The following COL5A3 variants were observed in gnomAD, a reference collection of about 807,000 sequenced individuals.
COL5A3 encodes collagen alpha-3(V) chain.
A neutral mutation model predicts 250.0 loss-of-function variants in COL5A3; 172 were observed. That is an observed-to-expected ratio of 0.69 (90% CI 0.61 to 0.78). COL5A3 has a LOEUF of 0.78. COL5A3 is among the 30% of genes least tolerant of loss of function. The probability of loss-of-function intolerance (pLI) is 0.00; values close to 1 mark genes in which losing one functional copy is unlikely to be tolerated. For synonymous variants in COL5A3, 937 were observed against 900.4 expected (o/e 1.04, Z -0.73); for missense variants, 2,340 against 2,334.4 (o/e 1.00, Z -0.05).
chr19:9,986,448 T>C lies in COL5A3; in HGVS notation c.2245-26A>G, dbSNP rs184455561. On this transcript the variant is annotated intron_variant, in intron 29 of 66. Transcript: ENST00000264828. ...CTGGAAGAAAAAGGAGAGTATTTAA[T>C]ATCCATCTTTTGTCCTTCCTGCTCT... 3.2e-4 allele frequency: 511 copies of C among 1,611,178 alleles called. 3 individuals are homozygous for C. In the East Asian group the frequency reaches 0.011, roughly 34 times the overall value.
intron 20 of COL5A3, 61 bp from the exon 21 acceptor site, chr19:9,992,941 G>A: frequency 1.9e-6 from 3 of 1,606,872 alleles, no homozygotes; most frequent in Admixed American, 1.7e-5. Flanking sequence ...GAGCTCTAGG[G>A]GTCCTATGAG....
At chr19:9,999,216 A>C (rs2087318892) in intron 8 of COL5A3, among the ~76,000 whole-genome samples, 1 of 126,238 alleles carries the variant, frequency 7.9e-6, no homozygotes, top group East Asian at 2.2e-4. Flanking sequence ...TTTTTGACAC[A>C]GGGTCACTCT....
intron 8 of COL5A3, among the ~76,000 whole-genome samples, chr19:10,001,318 T>A (rs1168747623): frequency 6.6e-6 from 1 of 152,062 alleles, no homozygotes; most frequent in African/African-American, 2.4e-5. Flanking sequence ...GCTAATTTTT[T>A]GTATTTTTAG....
Position 9,989,315 on chromosome 19 carries a change from CACTCA to C in COL5A3, c.2091+2_2091+6del. The C allele has an allele frequency of 6.2e-7, 1 of 1,614,194 alleles. No homozygotes were observed. The highest frequency in any genetic ancestry group is 2.2e-5 in the East Asian group (1 of 44,886). ...CCCCAACCCAGCCTAACCTCCTGGT[CACTCA>C]CCTGAGCCCCTTTCTCTCCCGTGGG... On this transcript the variant is annotated splice_donor_variant and splice_donor_5th_base_variant and intron_variant, in intron 26 of 66. Transcript: ENST00000264828. LOFTEE classifies it high-confidence loss of function.
chr19:9,963,561 T>TG (rs1555733033), intron 64 of COL5A3, among the ~76,000 whole-genome samples: 3,667 of 39,986 alleles, frequency 0.092, 134 homozygotes, highest in African/African-American at 0.14. Flanking sequence ...CTGTTTTTTT[T>TG]GGGGGGGGGG....
At chr19:9,976,743 T>A (rs772219948) in intron 44 of COL5A3, 132 bp from the exon 45 acceptor site, 2 of 676,358 alleles carry the variant, frequency 3.0e-6, no homozygotes, top group Non-Finnish European at 2.5e-6. Context: ...AACAGCTACA[T>A]CCCCCCAAAT....
chr19:9,965,005 C>A (rs975055757), intron 64 of COL5A3, among the ~76,000 whole-genome samples: 3 of 151,218 alleles, frequency 2.0e-5, no homozygotes, highest in Non-Finnish European at 4.4e-5. Context: ...GCTGAGATCA[C>A]GCCACTGCAT....
chr19:9,973,146 G>C, intron 50 of COL5A3, 120 bp from the exon 51 acceptor site: 2 of 852,500 alleles, frequency 2.3e-6, no homozygotes, highest in South Asian at 1.9e-5. Flanking sequence ...GTTCAGAGTA[G>C]CCTAGGTTGT....
At chr19:9,970,757 A>G in intron 53 of COL5A3, 82 bp from the exon 54 acceptor site, 1 of 1,210,934 alleles carries the variant, frequency 8.3e-7, no homozygotes, top group Non-Finnish European at 1.1e-6. Context: ...GGACCAGAGG[A>G]CACCCTTCCC....
chr19:9,998,899 G>T (rs1330138780), intron 8 of COL5A3, among the ~76,000 whole-genome samples: 1 of 151,894 alleles, frequency 6.6e-6, no homozygotes, highest in Non-Finnish European at 1.5e-5. Flanking sequence ...TGGTTAGGCT[G>T]GTCTCGAACT....
Position 9,960,183 on chromosome 19 carries a change from T to A in COL5A3, c.*228A>T, listed in dbSNP as rs2086651700. On this transcript the variant is annotated 3_prime_UTR_variant, in exon 67 of 67. Transcript: ENST00000264828. ...GGAGGGAGGGGAGAAAGAGCCAGAC[T>A]GCAGTATGCCACCTGGAATGGGGTG... 1.7e-6 allele frequency: 1 copy of A among 585,622 alleles called. No individual in the cohort carries two copies. Among genetic ancestry groups the A allele is most frequent in the African/African-American group, 1.9e-5 (1 of 53,402 alleles). The allele number at this position is 585,622 out of a possible 1,614,324, so 36.3% of individuals were successfully genotyped here.
At chr19:9,967,570 A>T in intron 61 of COL5A3, 170 bp from the exon 62 acceptor site, 1 of 605,840 alleles carries the variant, frequency 1.7e-6, no homozygotes, top group Non-Finnish European at 2.9e-6. Context: ...GCCTTGGGGA[A>T]GAGACATGCA....
In COL5A3 at chr19:10,005,871, G is replaced by A; in HGVS notation, c.362C>T (p.Ala121Val). Reference sequence around the variant, plus strand: ...TAGGAGACCCAGCGCTGGCCCCAGTGCCAGGCCCAACTGCCGGGCACCCCT... The same window carrying A: ...TAGGAGACCCAGCGCTGGCCCCAGTACCAGGCCCAACTGCCGGGCACCCCT... ...DERGARQLGL[A>V]LGPALGLLGD... The change falls in exon 3 of 67, where the codon GCA (alanine) becomes GTA (valine). Residue 121 changes from alanine (A) to valine (V), a missense_variant. Physicochemically the swap from Ala to Val is moderately conservative, Grantham distance 64. This residue lies in a region of COL5A3 where 1,152 missense variants were observed against 1,146.3 expected (regional missense o/e 1.00). Coordinates refer to ENST00000264828, the MANE Select transcript of COL5A3 (RefSeq NM_015719.4). 10 of 1,613,834 alleles carry A rather than the reference G, an allele frequency of 6.2e-6. No homozygotes were observed. Among genetic ancestry groups the A allele is most frequent in the Non-Finnish European group, 8.5e-6 (10 of 1,179,994 alleles).
At chr19:9,987,260 C>T (rs554705160) in intron 27 of COL5A3, among the ~76,000 whole-genome samples, 2 of 152,284 alleles carry the variant, frequency 1.3e-5, no homozygotes, top group East Asian at 1.9e-4. Flanking sequence ...AATGAAATTG[C>T]GCTTGGATAC....
chr19:9,968,416 A>C lies in COL5A3; in HGVS notation c.4283T>G (p.Val1428Gly). The C allele has an allele frequency of 6.3e-7, 1 of 1,591,742 alleles. No homozygotes were observed. Among genetic ancestry groups the C allele is most frequent in the Non-Finnish European group, 8.5e-7 (1 of 1,174,482 alleles). ...TCCCTTGGGACCAGGGGGTCCCTGC[A>C]CGCCTGGCAACCCCTGATCTCCTTT... ...GEKGDQGLPG[V>G]QGPPGPKGDP... Residue 1428 changes from valine (V) to glycine (G), a missense_variant, in exon 59 of 67, where the codon GTG becomes GGG. Val to Gly is a moderately radical substitution (Grantham distance 109). Around this residue, in one of 3 missense-constraint regions of COL5A3, gnomAD observed 1,179 missense variants for 1,162.6 expected, o/e 1.01. Transcript: ENST00000264828. This position sits in a 1 kb window ranked among gnomAD's most constrained non-coding sequence, Gnocchi z 4.1.
intron 1 of COL5A3, 91 bp from the exon 2 acceptor site, chr19:10,006,322 TA>T (rs2087443519): frequency 7.8e-7 from 1 of 1,277,906 alleles, no homozygotes; most frequent in Non-Finnish European, 1.0e-6. Flanking sequence ...AGGGTTTTTT[TA>T]GGGGGCTCAG....
chr19:9,980,718 G>A, intron 34 of COL5A3, 26 bp from the exon 35 acceptor site: 6 of 1,614,108 alleles, frequency 3.7e-6, no homozygotes, highest in Non-Finnish European at 5.1e-6. Flanking sequence ...TGAGACTCAG[G>A]CCCCAGAACA....
intron 64 of COL5A3, among the ~76,000 whole-genome samples, chr19:9,963,865 C>A (rs1004114984): frequency 2.6e-5 from 4 of 152,042 alleles, no homozygotes; most frequent in African/African-American, 9.7e-5. Flanking sequence ...AGAAAATAAA[C>A]CAGTTAAAAA....
rs577582651 is a variant in COL5A3 at position 9,968,475 on chromosome 19, G to T, written c.4224C>A (p.Ile1408=). 6.3e-7 allele frequency: 1 copy of T among 1,587,108 alleles called. No individual in the cohort carries two copies. Among genetic ancestry groups the T allele is most frequent in the Non-Finnish European group, 8.5e-7 (1 of 1,172,918 alleles). ...CTTCTCCCGGGGGGCCAATGAGACC[G>T]ATCAATCCAATGTGGCCCTGAAGGA... ...PKGEKGHIGL[I]GLIGPPGEAG... is the part of the protein sequence containing the mutation. Residue 1408 remains isoleucine, a synonymous_variant, in exon 59 of 67, where the codon ATC becomes ATA. Coordinates refer to ENST00000264828, the MANE Select transcript of COL5A3 (RefSeq NM_015719.4). This position sits in a 1 kb window ranked among gnomAD's most constrained non-coding sequence, Gnocchi z 4.1.
Sources: allele counts gnomAD v4.1 joint callset (sites outside exome capture counted in the v4.1 genomes callset), GRCh38; gene constraint gnomAD v4.1.1; regional missense constraint gnomAD v4.1.1; non-coding constraint Gnocchi (gnomAD v3.1); transcripts MANE v1.5; gene names NCBI Gene and HGNC (gene_info 2026-07-23, HGNC 2026-07-21).